The following CLSTN1 variants were observed in gnomAD, a reference collection of about 807,000 sequenced individuals.
CLSTN1 encodes the protein calsyntenin 1.
CLSTN1 carries 28 observed loss-of-function variants against 108.3 expected under a neutral mutation model. The ratio of observed to expected loss-of-function variants is 0.26; its 90% CI spans 0.19 to 0.35. The LOEUF is 0.35. CLSTN1 is among the 10% of genes least tolerant of loss of function. CLSTN1 has a pLI of 1.00. For missense variants in CLSTN1, 1,157 were observed against 1,302.6 expected, an observed-to-expected ratio of 0.89 and a Z score of 1.72; for synonymous variants, 524 against 534.9, an observed-to-expected ratio of 0.98 and a Z score of 0.28.
chr1:9,730,330 C>CAG lies in CLSTN1; in HGVS notation c.*176_*177dup. On this transcript the variant is annotated 3_prime_UTR_variant, in exon 19 of 19. Transcript: ENST00000377298. This position sits in a 1 kb window ranked among gnomAD's most constrained non-coding sequence, Gnocchi z 5.6. ...CGTGGGACTGAAGAGCGCGACCAGG[C>CAG]AGAGGGTGGGCGGGGAGCCTAGGGT... 1.5e-6 allele frequency: 1 copy of CAG among 670,000 alleles called. No individual in the cohort carries two copies. The highest frequency in any genetic ancestry group is 2.5e-5 in the East Asian group (1 of 39,550). 41.5% of individuals were successfully genotyped at this position (670,000 alleles called of 1,614,324 possible). A position where few individuals can be genotyped will look rare whatever the true frequency, so the allele number is the denominator to read the frequency against.
intron 1 of CLSTN1, among the ~76,000 whole-genome samples, chr1:9,810,534 G>A (rs182239565): frequency 2.7e-5 from 4 of 147,830 alleles, no homozygotes; most frequent in African/African-American, 1.0e-4. Context: ...CAGCACTTTG[G>A]GAGGCCACAG....
chr1:9,796,214 A>C (rs1432963953), intron 1 of CLSTN1, among the ~76,000 whole-genome samples: 1 of 148,922 alleles, frequency 6.7e-6, no homozygotes, highest in Non-Finnish European at 1.5e-5. Flanking sequence ...GTGAGCGGAG[A>C]TCATGCCACC....
At chr1:9,784,166 C>CT (rs1336031896) in intron 1 of CLSTN1, among the ~76,000 whole-genome samples, 1 of 127,476 alleles carries the variant, frequency 7.8e-6, no homozygotes, top group Non-Finnish European at 1.6e-5. Flanking sequence ...GAGCGAAACT[C>CT]TATCTCAAAA....
In CLSTN1 at chr1:9,734,176, G is replaced by A. The variant is rs1436751920; in HGVS notation, c.2111-34C>T. ...GAGGCCCAACCAGAAATATTAAGTA[G>A]GGGCAGTGGGGCCCAGCGTGGCGGG... On this transcript the variant is annotated intron_variant, in intron 14 of 18. Coordinates refer to ENST00000377298, the MANE Select transcript of CLSTN1 (RefSeq NM_001009566.3). This position sits in a 1 kb window ranked among gnomAD's most constrained non-coding sequence, Gnocchi z 4.8. 6.2e-7 allele frequency: 1 copy of A among 1,607,994 alleles called. No individual in the cohort carries two copies. Among genetic ancestry groups the A allele is most frequent in the Non-Finnish European group, 8.5e-7 (1 of 1,175,838 alleles).
intron 1 of CLSTN1, among the ~76,000 whole-genome samples, chr1:9,774,515 A>C (rs936816070): frequency 6.6e-6 from 1 of 151,850 alleles, no homozygotes; most frequent in Non-Finnish European, 1.5e-5. Context: ...GCAGTGAGCC[A>C]AGATCACGCC....
chr1:9,757,631 A>C (rs1447349991), intron 2 of CLSTN1, among the ~76,000 whole-genome samples: 1 of 152,020 alleles, frequency 6.6e-6, no homozygotes, highest in Admixed American at 6.6e-5. Context: ...ACAAATATAA[A>C]CCCCTCTGCT....
intron 11 of CLSTN1, 99 bp downstream of exon 11, chr1:9,737,399 A>G (rs1650750814): frequency 1.8e-6 from 2 of 1,087,502 alleles, no homozygotes; most frequent in Admixed American, 3.4e-5. Context: ...GGTGTCCAGG[A>G]CCAAAATGCA....
intron 2 of CLSTN1, among the ~76,000 whole-genome samples, chr1:9,759,630 ATTTG>A (rs1158823914): frequency 2.6e-5 from 4 of 152,204 alleles, no homozygotes; most frequent in Non-Finnish European, 5.9e-5. Context: ...AGACATGCTC[ATTTG>A]TTTAATGTAT....
In CLSTN1 at chr1:9,737,582, G is replaced by C. The variant is rs763295603; in HGVS notation, c.1520-28C>G. 113 of 1,606,664 alleles carry C rather than the reference G, an allele frequency of 7.0e-5. 1 individual carries two copies. The highest frequency in any genetic ancestry group is 6.6e-5 in the Non-Finnish European group (78 of 1,173,398). The stretch of plus-strand genomic sequence containing the variant: ...GTGGAAAAGCAAGACAAAGACAATA[G>C]AAAAGGACTGAGAGGTTAGGGTCTT... On this transcript the variant is annotated intron_variant, in intron 10 of 18. Transcript: ENST00000377298.
At chr1:9,811,587 A>G (rs1357572661) in intron 1 of CLSTN1, among the ~76,000 whole-genome samples, 1 of 151,994 alleles carries the variant, frequency 6.6e-6, no homozygotes, top group African/African-American at 2.4e-5. Flanking sequence ...ACTCAAAACG[A>G]CTGTACCCCA....
chr1:9,731,472 G>A (rs1650388137), intron 17 of CLSTN1, 82 bp from the exon 18 acceptor site: 2 of 1,428,826 alleles, frequency 1.4e-6, no homozygotes, highest in East Asian at 4.8e-5. Flanking sequence ...GCTGTGCCTG[G>A]TCAAAACGGG....
intron 9 of CLSTN1, among the ~76,000 whole-genome samples, chr1:9,741,866 T>C (rs542055931): frequency 4.1e-4 from 63 of 152,300 alleles, no homozygotes; most frequent in African/African-American, 1.3e-3. Context: ...GAGCCGAGAT[T>C]GTGCCACTGC....
chr1:9,817,646 A>G (rs1193991835), intron 1 of CLSTN1, among the ~76,000 whole-genome samples: 1 of 152,168 alleles, frequency 6.6e-6, no homozygotes, highest in Non-Finnish European at 1.5e-5. Flanking sequence ...GATGTTTTAT[A>G]GGCATTTAAG....
chr1:9,773,525 T>G (rs1652792098), intron 1 of CLSTN1, 131 bp from the exon 2 acceptor site: 6 of 931,982 alleles, frequency 6.4e-6, no homozygotes, highest in Non-Finnish European at 8.9e-6. Flanking sequence ...TGCTCACAGT[T>G]CTGTCGCAAA....
At chr1:9,754,589 C>T (rs1293374499) in intron 4 of CLSTN1, among the ~76,000 whole-genome samples, 3 of 152,066 alleles carry the variant, frequency 2.0e-5, no homozygotes, top group East Asian at 3.9e-4. Flanking sequence ...CCAGGTACGG[C>T]TCACGCCTAT....
Position 9,785,287 on chromosome 1 carries a change from C to T in CLSTN1, c.92-11893G>A, listed in dbSNP as rs183706952. Among the ~76,000 whole-genome samples the T allele has an allele frequency of 1.0e-3, 159 of 152,092 alleles. 1 individual carries two copies. The highest frequency in any genetic ancestry group is 3.1e-3 in the African/African-American group (129 of 41,508). ...TCTCCCAAAGTGCTGGGATTACAGGCGTGACCCACTGCACCCAGCTGTAAA... is the reference window on the plus strand; with the variant it reads ...TCTCCCAAAGTGCTGGGATTACAGGTGTGACCCACTGCACCCAGCTGTAAA... On this transcript the variant is annotated intron_variant, in intron 1 of 18. Coordinates refer to ENST00000377298, the MANE Select transcript of CLSTN1 (RefSeq NM_001009566.3).
chr1:9,746,729 CA>C (rs1651286019), intron 7 of CLSTN1, among the ~76,000 whole-genome samples: 1 of 149,082 alleles, frequency 6.7e-6, no homozygotes, highest in Admixed American at 6.7e-5. Context: ...AAAAAAAAAC[CA>C]CACACACACA....
rs537885475 is a variant in CLSTN1, at chr1:9,735,283, G to A, written c.1884-109C>T. On this transcript the variant is annotated intron_variant, in intron 13 of 18. Transcript: ENST00000377298. ...ACAGAGGCCCCCACTAACACCTGCC[G>A]GGGCCACTCCAGGAACACACTTGCA... 117 of 1,379,162 alleles carry A rather than the reference G, an allele frequency of 8.5e-5. No homozygotes were observed. The African/African-American group carries it at 1.1e-3, about 13-fold the overall frequency. The allele number at this position is 1,379,162 out of a possible 1,614,324, so 85.4% of individuals were successfully genotyped here.
chr1:9,751,162 C>T (rs1434984677), intron 5 of CLSTN1, among the ~76,000 whole-genome samples: 1 of 151,702 alleles, frequency 6.6e-6, no homozygotes, highest in African/African-American at 2.4e-5. Flanking sequence ...TGCATGTGGA[C>T]TGAAAGTTAA....
Sources: allele counts gnomAD v4.1 joint callset (sites outside exome capture counted in the v4.1 genomes callset), GRCh38; gene constraint gnomAD v4.1.1; non-coding constraint Gnocchi (gnomAD v3.1); transcripts MANE v1.5; gene names NCBI Gene and HGNC (gene_info 2026-07-23, HGNC 2026-07-21).